SLC38A4: variants seen among roughly 807,000 people sequenced by gnomAD.
SLC38A4 encodes sodium-coupled neutral amino acid transporter 4.
Under a neutral mutation model 63.1 loss-of-function variants are expected in SLC38A4, and 20 were observed. The observed-to-expected ratio is 0.32, with a 90% confidence interval of 0.22 to 0.46. The LOEUF is 0.46. Ranked by LOEUF, SLC38A4 falls within the 20% of genes least tolerant of loss-of-function variation. The probability of loss-of-function intolerance (pLI) is 1.00; values close to 1 mark genes in which losing one functional copy is unlikely to be tolerated. For missense variants in SLC38A4, 526 were observed against 663.6 expected (o/e 0.79, Z 2.28); for synonymous variants, 230 against 225.5 (o/e 1.02, Z -0.18).
At chr12:46,815,276 TATATATATACACAC>T (rs1939419243) in intron 1 of SLC38A4, among the ~76,000 whole-genome samples, 2 of 77,722 alleles carry the variant, frequency 2.6e-5, no homozygotes. Context: ...TATATATATA[TATATATATACACAC>T]ACACACACAC....
intron 1 of SLC38A4, among the ~76,000 whole-genome samples, chr12:46,805,668 A>T (rs1163375026): frequency 1.3e-5 from 2 of 152,108 alleles, no homozygotes; most frequent in East Asian, 3.9e-4. Context: ...GGCACATGCA[A>T]CATTCAGTTA....
In SLC38A4 at chr12:46,765,079, T is replaced by C. The variant is rs1938268725; in HGVS notation, c.*1622A>G. 1 of 152,650 alleles carries C rather than the reference T, an allele frequency of 6.6e-6. No homozygotes were observed. The highest frequency in any genetic ancestry group is 1.5e-5 in the Non-Finnish European group (1 of 68,060). The allele number at this position is 152,650 out of a possible 1,614,324, so 9.5% of individuals were successfully genotyped here. On this transcript the variant is annotated 3_prime_UTR_variant, in exon 17 of 17. Coordinates refer to ENST00000266579, the MANE Select transcript of SLC38A4 (RefSeq NM_018018.5). Reference sequence around the variant, plus strand: ...TTAGATGAGTGAAAATGTAAATATATCCTAAAGATGCTATTTGGCAGATTT... The same window carrying C: ...TTAGATGAGTGAAAATGTAAATATACCCTAAAGATGCTATTTGGCAGATTT...
At chr12:46,788,643 G>C (rs892696812) in intron 3 of SLC38A4, 25 bp from the exon 4 acceptor site, 2 of 1,568,854 alleles carry the variant, frequency 1.3e-6, no homozygotes, top group Non-Finnish European at 1.8e-6. Context: ...ACACAAATAA[G>C]AAAGTGAAAA....
chr12:46,825,915 G>A lies in SLC38A4; in HGVS notation c.-317C>T, dbSNP rs73283981. ...GCAGCAAGCAAACCTGTGTGAGTGG[G>A]GTGTCCCGAGGCGGCAGCCTCCCGC... On this transcript the variant is annotated 5_prime_UTR_variant, in exon 1 of 17. Coordinates refer to ENST00000266579, the MANE Select transcript of SLC38A4 (RefSeq NM_018018.5). 0.026 allele frequency: 3,892 copies of A among 152,498 alleles called. 148 individuals carry two copies. The highest frequency in any genetic ancestry group is 0.088 in the African/African-American group (3,653 of 41,540). 9.4% of individuals were successfully genotyped at this position (152,498 alleles called of 1,614,324 possible). A position where few individuals can be genotyped will look rare whatever the true frequency, so the allele number is the denominator to read the frequency against.
chr12:46,775,077 G>A lies in SLC38A4; in HGVS notation c.1271C>T (p.Thr424Ile), dbSNP rs771580008. The change falls in exon 14 of 17, where the codon ACA becomes ATA. Residue 424 changes from threonine (T) to isoleucine (I), a missense_variant. Thr to Ile is a moderately conservative substitution (Grantham distance 89, BLOSUM62 -1). Coordinates refer to ENST00000266579, the MANE Select transcript of SLC38A4 (RefSeq NM_018018.5). The stretch of plus-strand genomic sequence containing the variant: ...GAAGAGGACAATGGGCACAGTTAGT[G>A]TTACTGCCACAAGGACTGCCAGGCG... ...MVRLAVLVAV[T>I]LTVPIVLFPI... is the part of the protein sequence containing the mutation. 1.9e-6 allele frequency: 3 copies of A among 1,612,706 alleles called. No individual in the cohort carries two copies.
upstream of SLC38A4, among the ~76,000 whole-genome samples, chr12:46,829,692 G>C (rs1389390830): frequency 6.6e-6 from 1 of 152,154 alleles, no homozygotes; most frequent in Non-Finnish European, 1.5e-5. Context: ...GTCCAGCTGC[G>C]TGATCATGTC....
intron 5 of SLC38A4, among the ~76,000 whole-genome samples, chr12:46,785,738 C>CCTTTTTTTTTTTTTTTT (rs1489385010): frequency 1.5e-5 from 1 of 66,900 alleles, no homozygotes; most frequent in Non-Finnish European, 2.9e-5. Flanking sequence ...ACGAAAATTC[C>CCTTTTTTTTTTTTTTTT]TTTTTTTTTT....
At chr12:46,816,751 C>A (rs1023481607) in intron 1 of SLC38A4, among the ~76,000 whole-genome samples, 1 of 151,804 alleles carries the variant, frequency 6.6e-6, no homozygotes, top group Non-Finnish European at 1.5e-5. Flanking sequence ...ATTCACATGG[C>A]TACTGAACGG....
chr12:46,815,932 C>T (rs556173125), intron 1 of SLC38A4, among the ~76,000 whole-genome samples: 4 of 151,846 alleles, frequency 2.6e-5, no homozygotes, highest in South Asian at 2.1e-4. Flanking sequence ...AAGGAGTTAA[C>T]GTTTCATACA....
intron 14 of SLC38A4, among the ~76,000 whole-genome samples, chr12:46,774,297 TC>T (rs951851656): frequency 2.6e-5 from 4 of 152,046 alleles, no homozygotes; most frequent in African/African-American, 9.7e-5. Context: ...CTTATTTTTT[TC>T]CCCCTCAAAT....
intron 5 of SLC38A4, among the ~76,000 whole-genome samples, chr12:46,785,738 C>CCTTTTTTT (rs1489385010): frequency 3.0e-5 from 2 of 66,896 alleles, no homozygotes; most frequent in African/African-American, 5.3e-5. Flanking sequence ...ACGAAAATTC[C>CCTTTTTTT]TTTTTTTTTT....
chr12:46,766,202 T>G lies in SLC38A4; in HGVS notation c.*499A>C. 1 of 355,158 alleles carries G rather than the reference T, an allele frequency of 2.8e-6. No homozygotes were observed. The highest frequency in any genetic ancestry group is 7.4e-5 in the East Asian group (1 of 13,528). The allele number at this position is 355,158 out of a possible 1,614,324, so 22.0% of individuals were successfully genotyped here. On this transcript the variant is annotated 3_prime_UTR_variant, in exon 17 of 17. Coordinates refer to ENST00000266579, the MANE Select transcript of SLC38A4 (RefSeq NM_018018.5). Reference sequence around the variant, plus strand: ...ACCTTACAGAAACAGAAACAGTTCCTAAGACATGCCTTTTGCCTCTGTTAG... The same window carrying G: ...ACCTTACAGAAACAGAAACAGTTCCGAAGACATGCCTTTTGCCTCTGTTAG...
intron 1 of SLC38A4, among the ~76,000 whole-genome samples, chr12:46,804,242 C>G (rs1320647059): frequency 2.0e-5 from 3 of 151,890 alleles, no homozygotes; most frequent in African/African-American, 7.2e-5. Context: ...AGCCACCACT[C>G]CTACACCAAC....
intron 1 of SLC38A4, among the ~76,000 whole-genome samples, chr12:46,821,401 A>G (rs998592704): frequency 6.6e-6 from 1 of 152,058 alleles, no homozygotes; most frequent in Non-Finnish European, 1.5e-5. Context: ...TCCCAACACC[A>G]TTTGTTGAAG....
chr12:46,772,451 T>C (rs1324389438), intron 14 of SLC38A4, among the ~76,000 whole-genome samples: 1 of 152,076 alleles, frequency 6.6e-6, no homozygotes, highest in Admixed American at 6.6e-5. Context: ...TTTCTTGTTC[T>C]TTATGGAAAT....
chr12:46,775,931 T>C (rs1938516032), intron 13 of SLC38A4, among the ~76,000 whole-genome samples: 1 of 151,978 alleles, frequency 6.6e-6, no homozygotes, highest in East Asian at 1.9e-4. Flanking sequence ...TTCAGTAGTA[T>C]TGACCTCGTC....
At position 46,774,620 on chromosome 12, in the gene SLC38A4, G is replaced by A. The variant is rs542996143; in HGVS notation, c.1299+429C>T. Among the ~76,000 whole-genome samples the A allele has an allele frequency of 1.0e-3, 159 of 152,076 alleles. 1 individual carries two copies. The highest frequency in any genetic ancestry group is 3.5e-3 in the African/African-American group (146 of 41,510). ...GCCTTCAAGGCATCAGGTTAAAAAA[G>A]GCAACTTTTGTATATTATTGCAGCA... is the stretch of plus-strand genomic sequence containing the variant. On this transcript the variant is annotated intron_variant, in intron 14 of 16. Coordinates refer to ENST00000266579, the MANE Select transcript of SLC38A4 (RefSeq NM_018018.5).
At chr12:46,786,938 T>C (rs1254193350) in intron 5 of SLC38A4, among the ~76,000 whole-genome samples, 1 of 152,236 alleles carries the variant, frequency 6.6e-6, no homozygotes, top group Non-Finnish European at 1.5e-5. Context: ...GATTAGGATC[T>C]GTGTCCACAG....
At chr12:46,772,084 T>C (rs546672549) in intron 14 of SLC38A4, among the ~76,000 whole-genome samples, 45 of 149,514 alleles carry the variant, frequency 3.0e-4, no homozygotes, top group Non-Finnish European at 5.8e-4. Context: ...AATGTGAAGG[T>C]CAAAAATGTG....
Sources: gnomAD v4.1 joint callset for allele counts (sites outside exome capture counted in the v4.1 genomes callset) on GRCh38, gnomAD v4.1.1 for gene constraint, MANE v1.5 for transcripts, NCBI Gene and HGNC (gene_info 2026-07-23, HGNC 2026-07-21) for gene names.